Variants in ASPHD1 observed in about 807,000 individuals in gnomAD.
ASPHD1 encodes the protein aspartate beta-hydroxylase domain containing 1.
ASPHD1 carries 20 observed loss-of-function variants against 28.3 expected under a neutral mutation model. That is an observed-to-expected ratio of 0.71 (90% confidence interval 0.50 to 1.03). ASPHD1 has a LOEUF of 1.03. Ranked by LOEUF, ASPHD1 falls within the 50% of genes least tolerant of loss-of-function variation. ASPHD1 has a pLI of 0.00. For missense variants in ASPHD1, 479 were observed against 524.1 expected, an observed-to-expected ratio of 0.91 and a Z score of 0.84; for synonymous variants, 240 against 221.2, an observed-to-expected ratio of 1.08 and a Z score of -0.75.
chr16:29,918,191 G>C (rs1283220060), intron 3 of ASPHD1, among the ~76,000 whole-genome samples: 1 of 152,180 alleles, frequency 6.6e-6, no homozygotes, highest in East Asian at 1.9e-4. Context: ...TTCAGGTAAG[G>C]ATTATCAATT....
At chr16:29,914,298 C>T (rs1402380507) in intron 3 of ASPHD1, 3 of 152,174 alleles carry the variant, frequency 2.0e-5, no homozygotes, top group Non-Finnish European at 4.4e-5. Flanking sequence ...GCCAAATATA[C>T]TCACCACCTT....
In ASPHD1 at chr16:29,905,975, T is replaced by A; in HGVS notation, c.*78T>A. On this transcript the variant is annotated 3_prime_UTR_variant, in exon 3 of 3. Transcript: ENST00000308748. The stretch of plus-strand genomic sequence containing the variant: ...CGGCTTGATGGTAGCCAGGACCTCC[T>A]CTCTACTGCGGGGGTGGGCGGGGGC... 4 of 815,380 alleles carry A rather than the reference T, an allele frequency of 4.9e-6. No homozygotes were observed. The highest frequency in any genetic ancestry group is 7.7e-6 in the Non-Finnish European group (4 of 516,398). 50.5% of individuals were successfully genotyped at this position (815,380 alleles called of 1,614,324 possible).
At position 29,901,111 on chromosome 16, in the gene ASPHD1, G is replaced by A. The variant is rs140635603; in HGVS notation, c.140G>A (p.Gly47Glu). ...AAMEGTGGEL[G>E]GQGNWGPEDA... ...ATGGAAGGGACAGGTGGGGAGCTGG[G>A]GGGACAGGGGAACTGGGGTCCGGAG... Residue 47 changes from glycine (G) to glutamate (E), a missense_variant, in exon 1 of 3, where the codon GGG (glycine) becomes GAG (glutamate). Gly to Glu is a moderately conservative substitution (Grantham distance 98). Transcript: ENST00000308748. This position sits in a 1 kb window ranked among gnomAD's most constrained non-coding sequence, Gnocchi z 5.1. 6.8e-6 allele frequency: 11 copies of A among 1,609,514 alleles called. No individual in the cohort carries two copies. In the African/African-American group the frequency reaches 1.3e-4, roughly 20 times the overall value.
downstream of ASPHD1, among the ~76,000 whole-genome samples, chr16:29,909,418 A>G (rs2068666911): frequency 6.6e-6 from 1 of 152,136 alleles, no homozygotes; most frequent in African/African-American, 2.4e-5. Context: ...GTGCTTAGAG[A>G]CTTGTGATGA....
intron 3 of ASPHD1, chr16:29,912,997 C>A (rs926846276): frequency 6.6e-6 from 1 of 152,192 alleles, no homozygotes; most frequent in African/African-American, 2.4e-5. Context: ...ATCCCTCTCA[C>A]TTCTCCCAAC....
At chr16:29,904,415 C>T (rs1030151791) in intron 1 of ASPHD1, among the ~76,000 whole-genome samples, 8 of 150,818 alleles carry the variant, frequency 5.3e-5, no homozygotes, top group African/African-American at 2.0e-4. Context: ...CACTGCACTC[C>T]AACCTGGCGA....
At chr16:29,912,433 TG>T (rs2068730790) in intron 3 of ASPHD1, 1 of 276,430 alleles carries the variant, frequency 3.6e-6, no homozygotes, top group Non-Finnish European at 6.7e-6. Flanking sequence ...CTGCCTTTTG[TG>T]TTATCAGTTT....
At chr16:29,911,712 G>T in intron 3 of ASPHD1, 1 of 1,270,060 alleles carries the variant, frequency 7.9e-7, no homozygotes, top group Non-Finnish European at 1.1e-6. Flanking sequence ...AGGCACAGAT[G>T]TTCTTGTAGG....
chr16:29,911,106 G>A (rs2068700125), intron 3 of ASPHD1: 1 of 1,614,044 alleles, frequency 6.2e-7, no homozygotes, highest in Admixed American at 1.7e-5. Flanking sequence ...AAGAGTAGCC[G>A]CCCGTGGAAG....
At chr16:29,916,329 T>A (rs565152692) in intron 3 of ASPHD1, among the ~76,000 whole-genome samples, 6 of 152,246 alleles carry the variant, frequency 3.9e-5, no homozygotes, top group African/African-American at 1.4e-4. Flanking sequence ...ACTCAAGTGA[T>A]CCTCCCACCT....
At chr16:29,904,998 G>A (rs762760462) in intron 2 of ASPHD1, 33 bp downstream of exon 2, 6 of 1,531,356 alleles carry the variant, frequency 3.9e-6, no homozygotes, top group East Asian at 2.3e-5. Context: ...GGGGGGATGA[G>A]GGACTCAGGA....
chr16:29,904,574 C>G (rs1456890989), intron 1 of ASPHD1, among the ~76,000 whole-genome samples: 1 of 150,418 alleles, frequency 6.6e-6, no homozygotes, highest in Admixed American at 6.6e-5. Context: ...GATCACACCA[C>G]TCCACTCCAG....
chr16:29,919,265 C>T (rs185351346), intron 3 of ASPHD1, among the ~76,000 whole-genome samples: 14 of 152,070 alleles, frequency 9.2e-5, no homozygotes, highest in Admixed American at 9.2e-4. Context: ...AAAAAGGGAC[C>T]CCTTGGATTG....
At chr16:29,907,354 T>C (rs2068631474), downstream of ASPHD1, among the ~76,000 whole-genome samples, 2 of 152,228 alleles carry the variant, frequency 1.3e-5, no homozygotes, top group Admixed American at 1.3e-4. Flanking sequence ...TCTTGGTATA[T>C]TTTTTCATTT....
Position 29,901,097 on chromosome 16 carries a change from A to C in ASPHD1, c.126A>C (p.Thr42=). 3 of 1,598,810 alleles carry C rather than the reference A, an allele frequency of 1.9e-6. No homozygotes were observed. Among genetic ancestry groups the C allele is most frequent in the Non-Finnish European group, 1.7e-6 (2 of 1,169,692 alleles). The part of the protein sequence containing the change: ...AGSQGAAMEG[T]GGELGGQGNW... ...GCCAGGGGGCAGCCATGGAAGGGAC[A>C]GGTGGGGAGCTGGGGGGACAGGGGA... The change falls in exon 1 of 3, where the codon ACA becomes ACC. Residue 42 remains threonine, a synonymous_variant. Coordinates refer to ENST00000308748, the MANE Select transcript of ASPHD1 (RefSeq NM_181718.4). This position sits in a 1 kb window ranked among gnomAD's most constrained non-coding sequence, Gnocchi z 5.1.
chr16:29,904,341 G>T (rs2150829382), intron 1 of ASPHD1, among the ~76,000 whole-genome samples: 1 of 151,922 alleles, frequency 6.6e-6, no homozygotes, highest in East Asian at 1.9e-4. Context: ...AGCTACTCGG[G>T]AGGCTGAGGC....
Position 29,901,470 on chromosome 16 carries a change from C to T in ASPHD1, c.499C>T (p.Arg167Trp), listed in dbSNP as rs768381793. ...CTGGGCTGGGATGGGTAGAGTGAGG[C>T]GGGCAGCTCAGGGTGGCCCAGGCCC... ...YSWAGMGRVR[R>W]AAQGGPGPGR... Residue 167 changes from arginine (R) to tryptophan (W), a missense_variant, in exon 1 of 3, where the codon CGG becomes TGG. Arg to Trp is a moderately radical substitution (Grantham distance 101, BLOSUM62 -3). Coordinates refer to ENST00000308748, the MANE Select transcript of ASPHD1 (RefSeq NM_181718.4). This position sits in a 1 kb window ranked among gnomAD's most constrained non-coding sequence, Gnocchi z 5.1. The T allele has an allele frequency of 6.3e-7, 1 of 1,586,892 alleles. No homozygotes were observed. Among genetic ancestry groups the T allele is most frequent in the Non-Finnish European group, 8.6e-7 (1 of 1,165,660 alleles).
downstream of ASPHD1, chr16:29,906,510 G>T: frequency 2.1e-6 from 1 of 478,380 alleles, no homozygotes; most frequent in Non-Finnish European, 4.1e-6. Flanking sequence ...GACGCGGGAG[G>T]CTGCTCAGAC....
downstream of ASPHD1, among the ~76,000 whole-genome samples, chr16:29,909,881 C>T (rs1433721749): frequency 6.6e-6 from 1 of 151,354 alleles, no homozygotes; most frequent in Non-Finnish European, 1.5e-5. Context: ...ACCAGCCTGA[C>T]CAACATGGCG....
Sources: gnomAD v4.1 joint callset for allele counts (sites outside exome capture counted in the v4.1 genomes callset) on GRCh38, gnomAD v4.1.1 for gene constraint, Gnocchi (gnomAD v3.1) non-coding constraint, MANE v1.5 for transcripts, NCBI Gene and HGNC (gene_info 2026-07-23, HGNC 2026-07-21) for gene names.